Variants in TRAPPC9 observed in about 807,000 individuals in gnomAD.
TRAPPC9 encodes IKK2 binding protein.
TRAPPC9 carries 83 observed loss-of-function variants against 124.0 expected under a neutral mutation model. The ratio of observed to expected loss-of-function variants is 0.67; its 90% CI spans 0.56 to 0.80. The LOEUF is 0.80. Among genes scored for constraint, TRAPPC9 ranks in the 30% least tolerant of loss-of-function variants. TRAPPC9 has a pLI of 0.00. For synonymous variants in TRAPPC9, 638 were observed against 617.5 expected (o/e 1.03, Z -0.49); for missense variants, 1,302 against 1,508.3 (o/e 0.86, Z 2.27).
rs550606003 is a variant in TRAPPC9 at position 139,821,771 on chromosome 8, G to A, written c.3055+64108C>T. 6.6e-5 allele frequency among the ~76,000 whole-genome samples: 10 copies of A among 152,312 alleles called. No individual in the cohort carries two copies. In the South Asian group the frequency reaches 1.2e-3, roughly 19 times the overall value. Reference sequence around the variant, plus strand: ...TCCATGACGGTCCAGCCACCACTGCGCACGGGACCCGTGAGCTTGTTAAGG... The same window carrying A: ...TCCATGACGGTCCAGCCACCACTGCACACGGGACCCGTGAGCTTGTTAAGG... On this transcript the variant is annotated intron_variant, in intron 21 of 22. Coordinates refer to ENST00000438773, the MANE Select transcript of TRAPPC9 (RefSeq NM_001160372.4).
At chr8:139,894,024 A>G (rs1370777984) in intron 20 of TRAPPC9, among the ~76,000 whole-genome samples, 1 of 152,228 alleles carries the variant, frequency 6.6e-6, no homozygotes, top group Non-Finnish European at 1.5e-5. Context: ...TGGCACCAGC[A>G]TCCCTGCCCA....
intron 21 of TRAPPC9, among the ~76,000 whole-genome samples, chr8:139,809,512 G>A (rs1824289995): frequency 6.6e-6 from 1 of 152,184 alleles, no homozygotes. Flanking sequence ...CTGAAGCAGG[G>A]GGCCTGGGCA....
chr8:140,415,732 G>T (rs1282158025), intron 5 of TRAPPC9, among the ~76,000 whole-genome samples: 1 of 152,122 alleles, frequency 6.6e-6, no homozygotes, highest in Non-Finnish European at 1.5e-5. Flanking sequence ...AGTTTGGGAA[G>T]CAGAGGTGAG....
chr8:139,753,594 G>A (rs1283043888), intron 21 of TRAPPC9, among the ~76,000 whole-genome samples: 21 of 152,334 alleles, frequency 1.4e-4, no homozygotes, highest in South Asian at 8.3e-4. Flanking sequence ...AGTCATTGCT[G>A]CAAGCCTTCT....
rs930717098 is a variant in TRAPPC9, at chr8:140,060,117, C to T, written c.2557-36038G>A. 4.6e-5 allele frequency among the ~76,000 whole-genome samples: 7 copies of T among 152,188 alleles called. 1 individual carries two copies. Among genetic ancestry groups the T allele is most frequent in the East Asian group, 3.8e-4 (2 of 5,198 alleles). On this transcript the variant is annotated intron_variant, in intron 17 of 22. Transcript: ENST00000438773. ...CAGGTCTCCTTTTGATTGGCAGTTG[C>T]GTTACCTGTGGAGCAGCTCGTTCTT...
intron 11 of TRAPPC9, chr8:140,291,313 G>A (rs1036115506): frequency 8.5e-6 from 5 of 585,230 alleles, no homozygotes; most frequent in South Asian, 1.9e-5. Flanking sequence ...CACTGCCTTC[G>A]GCGGGCTGCA....
At chr8:139,966,600 G>A (rs2131588859) in intron 19 of TRAPPC9, among the ~76,000 whole-genome samples, 1 of 152,232 alleles carries the variant, frequency 6.6e-6, no homozygotes, top group East Asian at 1.9e-4. Flanking sequence ...CAGGTGGCAC[G>A]ATGCTTGGCA....
chr8:140,281,705 C>A (rs532156313), intron 14 of TRAPPC9, among the ~76,000 whole-genome samples: 1 of 152,178 alleles, frequency 6.6e-6, no homozygotes, highest in South Asian at 2.1e-4. Context: ...CTTTTATTTT[C>A]TTCTAAAAGT....
At chr8:140,424,488 T>G (rs1314246352) in intron 5 of TRAPPC9, among the ~76,000 whole-genome samples, 1 of 151,732 alleles carries the variant, frequency 6.6e-6, no homozygotes, top group African/African-American at 2.4e-5. Context: ...ATTAAAAAAT[T>G]AGCTGGGCAT....
chr8:140,356,638 G>A (rs1420715680), intron 9 of TRAPPC9, among the ~76,000 whole-genome samples: 1 of 147,270 alleles, frequency 6.8e-6, no homozygotes, highest in African/African-American at 2.5e-5. Context: ...TTTTTTTTGA[G>A]CTGGAGTCTC....
At chr8:140,149,623 C>CAAAAA (rs397968262) in intron 17 of TRAPPC9, among the ~76,000 whole-genome samples, 2 of 130,164 alleles carry the variant, frequency 1.5e-5, no homozygotes, top group African/African-American at 2.8e-5. Flanking sequence ...GACTCCATCT[C>CAAAAA]AAAAAAAAAA....
At position 140,157,085 on chromosome 8, in the gene TRAPPC9, T is replaced by TTTTCCATTCAGAAGCCTCCC. The variant is rs145904453; in HGVS notation, c.2556+64354_2556+64373dup. Among the ~76,000 whole-genome samples the TTTTCCATTCAGAAGCCTCCC allele has an allele frequency of 4.9e-4, 22 of 44,672 alleles. 3 individuals carry two copies. The highest frequency in any genetic ancestry group is 8.4e-4 in the African/African-American group (12 of 14,222). The allele number at this position is 44,672 out of a possible 152,430, so 29.3% of individuals were successfully genotyped here. A position where few individuals can be genotyped will look rare whatever the true frequency, so the allele number is the denominator to read the frequency against. The stretch of plus-strand genomic sequence containing the variant: ...CTCCCTTTCCATTCAAAAGCCTCCC[T>TTTTCCATTCAGAAGCCTCCC]TTTCCATTCAGAAGCCTCCCTTTCC... On this transcript the variant is annotated intron_variant, in intron 17 of 22. Transcript: ENST00000438773.
intron 1 of TRAPPC9, among the ~76,000 whole-genome samples, chr8:140,456,137 T>C (rs899854946): frequency 3.3e-5 from 5 of 152,104 alleles, no homozygotes; most frequent in African/African-American, 1.2e-4. Flanking sequence ...TGGCCAGGCA[T>C]GGTGGCTCAC....
At position 140,216,105 on chromosome 8, in the gene TRAPPC9, G is replaced by A. The variant is rs972526153; in HGVS notation, c.2556+5354C>T. The A allele has an allele frequency of 6.6e-6, 1 of 152,178 alleles. No individual in the cohort carries two copies. The highest frequency in any genetic ancestry group is 2.4e-5 in the African/African-American group (1 of 41,432). 9.4% of individuals were successfully genotyped at this position (152,178 alleles called of 1,614,324 possible). On this transcript the variant is annotated intron_variant, in intron 17 of 22. Transcript: ENST00000438773. The surrounding 1 kb of genome is among the most constrained non-coding windows in gnomAD (Gnocchi z 4.1). ...AGTGTAACTGACAGAGACCAAAGTG[G>A]GTAACTTGGAGAGTGTGACATCACC...
intron 17 of TRAPPC9, among the ~76,000 whole-genome samples, chr8:140,119,196 G>A (rs182063548): frequency 9.8e-5 from 15 of 152,366 alleles, no homozygotes; most frequent in South Asian, 2.1e-4. Flanking sequence ...CACGCCAGGC[G>A]TGGCGTCCTG....
Position 140,349,931 on chromosome 8 carries a change from G to A in TRAPPC9, c.1495+10119C>T, listed in dbSNP as rs535839461. Among the ~76,000 whole-genome samples, 20 of 152,284 alleles carry A rather than the reference G, an allele frequency of 1.3e-4. 1 individual carries two copies. In the South Asian group the frequency reaches 3.3e-3, roughly 25 times the overall value. Reference sequence around the variant, plus strand: ...CAATGCCTCTCTCACTCAGCTACACGGTCAGCAGATGATTTACATCCTCTA... The same window carrying A: ...CAATGCCTCTCTCACTCAGCTACACAGTCAGCAGATGATTTACATCCTCTA... On this transcript the variant is annotated intron_variant, in intron 9 of 22. Coordinates refer to ENST00000438773, the MANE Select transcript of TRAPPC9 (RefSeq NM_001160372.4).
At chr8:139,949,789 T>C (rs1352448102) in intron 19 of TRAPPC9, among the ~76,000 whole-genome samples, 3 of 152,138 alleles carry the variant, frequency 2.0e-5, no homozygotes, top group Non-Finnish European at 2.9e-5. Context: ...GGAGTTTTTG[T>C]AGCATGGTAG....
At chr8:139,746,577 G>T (rs1818908772) in intron 21 of TRAPPC9, among the ~76,000 whole-genome samples, 1 of 152,196 alleles carries the variant, frequency 6.6e-6, no homozygotes. Context: ...ACACGAGGTG[G>T]TCAGAGCCAG....
intron 17 of TRAPPC9, among the ~76,000 whole-genome samples, chr8:140,072,009 A>G (rs1843182836): frequency 6.6e-6 from 1 of 152,198 alleles, no homozygotes; most frequent in Non-Finnish European, 1.5e-5. Flanking sequence ...GCACCTAACA[A>G]AACTATAAGG....
Sources: allele counts gnomAD v4.1 joint callset (sites outside exome capture counted in the v4.1 genomes callset), GRCh38; gene constraint gnomAD v4.1.1; non-coding constraint Gnocchi (gnomAD v3.1); transcripts MANE v1.5; gene names NCBI Gene and HGNC (gene_info 2026-07-23, HGNC 2026-07-21).